Variants in NDUFS4 observed in about 807,000 individuals in gnomAD.
The protein encoded by NDUFS4 is NADH:ubiquinone oxidoreductase subunit S4.
Under a neutral mutation model 24.3 loss-of-function variants are expected in NDUFS4, and 28 were observed. That is an observed-to-expected ratio of 1.15 (90% confidence interval 0.85 to 1.58). The LOEUF is 1.58. Ranked by LOEUF, NDUFS4 falls within the 40% of genes most tolerant of loss-of-function variation. NDUFS4 has a pLI of 0.00. For synonymous variants in NDUFS4, 93 were observed against 69.7 expected, an observed-to-expected ratio of 1.34 and a Z score of -1.67; for missense variants, 223 against 207.9, an observed-to-expected ratio of 1.07 and a Z score of -0.45.
chr5:53,641,401 AT>A (rs1187076492), intron 2 of NDUFS4, among the ~76,000 whole-genome samples: 3 of 152,112 alleles, frequency 2.0e-5, no homozygotes, highest in Admixed American at 6.6e-5. Context: ...TGCATGAACT[AT>A]TTCTATCATA....
chr5:53,637,780 TC>T lies in NDUFS4; in HGVS notation c.178-8452del, dbSNP rs370538638. On this transcript the variant is annotated intron_variant, in intron 2 of 4. Coordinates refer to ENST00000296684, the MANE Select transcript of NDUFS4 (RefSeq NM_002495.4). ...CAGTTTCACGAACCCATTAGTTTCT[TC>T]ATTCGAGTTCTGGAAATTCTTATGC... Among the ~76,000 whole-genome samples, 412 of 152,238 alleles carry T rather than the reference TC, an allele frequency of 2.7e-3. 3 individuals carry two copies. The highest frequency in any genetic ancestry group is 6.8e-3 in the Middle Eastern group (2 of 294).
intron 2 of NDUFS4, among the ~76,000 whole-genome samples, chr5:53,612,087 T>C (rs1056030053): frequency 7.2e-5 from 11 of 152,066 alleles, no homozygotes; most frequent in African/African-American, 2.7e-4. Flanking sequence ...GAAAATATAG[T>C]AGTTTCAATT....
At chr5:53,655,263 C>T (rs1752129836) in intron 3 of NDUFS4, among the ~76,000 whole-genome samples, 1 of 152,116 alleles carries the variant, frequency 6.6e-6, no homozygotes, top group Non-Finnish European at 1.5e-5. Flanking sequence ...ACAGCATTTC[C>T]AGTATCTCAG....
At chr5:53,677,094 G>A (rs256094) in intron 4 of NDUFS4, among the ~76,000 whole-genome samples, 49,601 of 151,942 alleles carry the variant, frequency 0.33, 8,506 homozygotes, top group East Asian at 0.48. Flanking sequence ...ATTTCTAATG[G>A]CTGATTTTCA....
chr5:53,566,835 C>A (rs916629269), intron 1 of NDUFS4, among the ~76,000 whole-genome samples: 10 of 150,500 alleles, frequency 6.6e-5, no homozygotes, highest in African/African-American at 2.2e-4. Context: ...GTTTTTCCTC[C>A]CCCACCGCCA....
chr5:53,666,047 C>T (rs567760450), intron 4 of NDUFS4, among the ~76,000 whole-genome samples: 1 of 152,176 alleles, frequency 6.6e-6, no homozygotes, highest in Admixed American at 6.5e-5. Context: ...ACTTTCTTGG[C>T]AAGTTCCAAA....
intron 3 of NDUFS4, among the ~76,000 whole-genome samples, chr5:53,656,010 G>A (rs187735140): frequency 6.6e-6 from 1 of 151,932 alleles, no homozygotes; most frequent in Non-Finnish European, 1.5e-5. Flanking sequence ...CCTGCTCTGT[G>A]GATACTCTCT....
At chr5:53,666,428 A>G (rs1752516561) in intron 4 of NDUFS4, among the ~76,000 whole-genome samples, 1 of 152,206 alleles carries the variant, frequency 6.6e-6, no homozygotes, top group Non-Finnish European at 1.5e-5. Flanking sequence ...AAACTGAGGA[A>G]CACTATCAAA....
At chr5:53,597,116 A>G (rs999094558) in intron 1 of NDUFS4, among the ~76,000 whole-genome samples, 2 of 152,128 alleles carry the variant, frequency 1.3e-5, no homozygotes, top group Admixed American at 1.3e-4. Flanking sequence ...TAGAGGTTTC[A>G]TGTCCAACAT....
intron 2 of NDUFS4, among the ~76,000 whole-genome samples, chr5:53,640,203 G>T (rs1468364886): frequency 2.0e-5 from 3 of 152,054 alleles, no homozygotes; most frequent in Non-Finnish European, 4.4e-5. Flanking sequence ...AAGGATTCTG[G>T]CAGGGGTAGA....
intron 1 of NDUFS4, among the ~76,000 whole-genome samples, chr5:53,601,568 A>G (rs560711431): frequency 7.2e-5 from 11 of 152,202 alleles, no homozygotes; most frequent in Non-Finnish European, 1.5e-4. Context: ...CACTGTTTTC[A>G]TCTAACAGGT....
At chr5:53,678,846 T>G (rs762341070) in intron 4 of NDUFS4, among the ~76,000 whole-genome samples, 2 of 152,178 alleles carry the variant, frequency 1.3e-5, no homozygotes, top group Non-Finnish European at 2.9e-5. Flanking sequence ...TAATGTCCTT[T>G]CAAGTGTTGT....
intron 1 of NDUFS4, among the ~76,000 whole-genome samples, chr5:53,566,027 G>A (rs1297088661): frequency 6.6e-6 from 1 of 152,128 alleles, no homozygotes; most frequent in African/African-American, 2.4e-5. Context: ...ACAATAATTA[G>A]CCGGGTGCGG....
intron 1 of NDUFS4, among the ~76,000 whole-genome samples, chr5:53,562,218 G>A (rs1418516883): frequency 6.6e-6 from 1 of 151,984 alleles, no homozygotes; most frequent in Non-Finnish European, 1.5e-5. Flanking sequence ...TGGTCAGGCT[G>A]GGTTAAGTAT....
At chr5:53,639,922 G>A (rs1230534942) in intron 2 of NDUFS4, among the ~76,000 whole-genome samples, 2 of 152,010 alleles carry the variant, frequency 1.3e-5, no homozygotes. Context: ...TTTTTTCCAG[G>A]GAGGAGTTTT....
chr5:53,565,274 G>C (rs763225175), intron 1 of NDUFS4, among the ~76,000 whole-genome samples: 3 of 152,184 alleles, frequency 2.0e-5, no homozygotes, highest in Non-Finnish European at 4.4e-5. Flanking sequence ...ATAAACCTTT[G>C]CTGTAAGCCA....
intron 4 of NDUFS4, among the ~76,000 whole-genome samples, chr5:53,662,163 T>C (rs866719438): frequency 3.9e-5 from 6 of 152,238 alleles, no homozygotes; most frequent in Middle Eastern, 3.2e-3. Flanking sequence ...TATTTTGAGA[T>C]AAGTCACATC....
At chr5:53,671,043 T>C (rs1002613803) in intron 4 of NDUFS4, among the ~76,000 whole-genome samples, 5 of 151,912 alleles carry the variant, frequency 3.3e-5, no homozygotes, top group African/African-American at 1.2e-4. Context: ...GCTATAAGTT[T>C]CTGTAGTATC....
chr5:53,680,438 A>G (rs1249367005), intron 4 of NDUFS4, among the ~76,000 whole-genome samples: 1 of 152,170 alleles, frequency 6.6e-6, no homozygotes, highest in Non-Finnish European at 1.5e-5. Context: ...ACTTGGAACC[A>G]ATCCAGATGT....
Sources: allele counts gnomAD v4.1 joint callset (sites outside exome capture counted in the v4.1 genomes callset), GRCh38; gene constraint gnomAD v4.1.1; transcripts MANE v1.5; gene names NCBI Gene and HGNC (gene_info 2026-07-23, HGNC 2026-07-21).